Variants in ATP6V0D2 observed in about 807,000 individuals in gnomAD.
ATP6V0D2 encodes ATPase H+ transporting V0 subunit d2.
ATP6V0D2 carries 40 observed loss-of-function variants against 40.0 expected under a neutral mutation model. The ratio of observed to expected loss-of-function variants is 1.00; its 90% confidence interval spans 0.78 to 1.30. The LOEUF is 1.30. Among genes scored for constraint, ATP6V0D2 ranks in the 50% most tolerant of loss-of-function variants. ATP6V0D2 has a pLI of 0.00. For synonymous variants in ATP6V0D2, 179 were observed against 156.3 expected (o/e 1.15, Z -1.08); for missense variants, 470 against 423.1 (o/e 1.11, Z -0.97).
intron 2 of ATP6V0D2, among the ~76,000 whole-genome samples, chr8:86,122,338 G>C (rs982264405): frequency 6.6e-6 from 1 of 152,104 alleles, no homozygotes; most frequent in African/African-American, 2.4e-5. Flanking sequence ...TGACGTTAAG[G>C]ACCACACACT....
chr8:86,111,975 G>T (rs776106139), intron 1 of ATP6V0D2, among the ~76,000 whole-genome samples: 49 of 152,114 alleles, frequency 3.2e-4, no homozygotes, highest in Non-Finnish European at 6.6e-4. Context: ...GAATATTTCT[G>T]GTCTATCTTT....
chr8:86,151,622 T>G, intron 7 of ATP6V0D2, 82 bp downstream of exon 7: 1 of 1,093,408 alleles, frequency 9.1e-7, no homozygotes, highest in South Asian at 1.5e-5. Context: ...GGTTTTCTTT[T>G]TACAGCTGAT....
chr8:86,104,431 A>C (rs946056498), intron 1 of ATP6V0D2, among the ~76,000 whole-genome samples: 3 of 152,188 alleles, frequency 2.0e-5, no homozygotes, highest in African/African-American at 7.2e-5. Context: ...CTAAAAGGAG[A>C]AATATGGAAA....
intron 1 of ATP6V0D2, among the ~76,000 whole-genome samples, chr8:86,103,781 A>G (rs181623154): frequency 6.6e-6 from 1 of 152,100 alleles, no homozygotes; most frequent in Non-Finnish European, 1.5e-5. Flanking sequence ...ACAAACTTAC[A>G]CACATGTGAG....
At chr8:86,103,261 G>A in intron 1 of ATP6V0D2, among the ~76,000 whole-genome samples, 1 of 151,320 alleles carries the variant, frequency 6.6e-6, no homozygotes, top group South Asian at 2.1e-4. Flanking sequence ...AGAATTACAG[G>A]CATGTGCCAC....
rs60590702 is a variant in ATP6V0D2, at chr8:86,126,236, CTATATATATATATATATA to C, written c.302+12366_302+12383del. Among the ~76,000 whole-genome samples, 3 of 77,120 alleles carry C rather than the reference CTATATATATATATATATA, an allele frequency of 3.9e-5. 1 individual carries two copies. Among genetic ancestry groups the C allele is most frequent in the South Asian group, 1.1e-3 (2 of 1,858 alleles). 50.6% of individuals were successfully genotyped at this position (77,120 alleles called of 152,430 possible). ...ATAGGCGTGAACTACCGTGCTCAGC[CTATATATATATATATATA>C]TATATATATCTTTTTGTATATAGTA... On this transcript the variant is annotated intron_variant, in intron 2 of 7. Transcript: ENST00000285393.
intron 2 of ATP6V0D2, among the ~76,000 whole-genome samples, chr8:86,135,733 C>A (rs1818887806): frequency 6.6e-6 from 1 of 152,102 alleles, no homozygotes; most frequent in South Asian, 2.1e-4. Context: ...TTTGTCTAGA[C>A]CATGAGTAGG....
At chr8:86,108,799 C>T (rs1818500718) in intron 1 of ATP6V0D2, among the ~76,000 whole-genome samples, 1 of 152,182 alleles carries the variant, frequency 6.6e-6, no homozygotes. Flanking sequence ...AGTCTAACTT[C>T]CCTATAGCCA....
rs1819153109 is a variant in ATP6V0D2 at position 86,151,540 on chromosome 8, G to A, written c.891G>A (p.Glu297=). ...KTLEDVFYER[E]VQMNVLAFNR... is the part of the protein sequence containing the mutation. ...TGGAGGACGTGTTTTACGAGCGTGA[G>A]GTATGATATAAGTGGAAATACTATT... Residue 297 remains glutamate (E), a splice_region_variant and synonymous_variant, in exon 7 of 8, where the codon GAG becomes GAA. Transcript: ENST00000285393. 1.2e-6 allele frequency: 2 copies of A among 1,602,078 alleles called. No individual in the cohort carries two copies. Among genetic ancestry groups the A allele is most frequent in the Non-Finnish European group, 1.7e-6 (2 of 1,173,978 alleles).
At chr8:86,107,798 T>C (rs1325277084) in intron 1 of ATP6V0D2, among the ~76,000 whole-genome samples, 1 of 151,832 alleles carries the variant, frequency 6.6e-6, no homozygotes, top group Admixed American at 6.6e-5. Context: ...AAAACGGGAG[T>C]GAGCAGCAGA....
At chr8:86,131,500 T>C (rs1818825227) in intron 2 of ATP6V0D2, among the ~76,000 whole-genome samples, 1 of 151,460 alleles carries the variant, frequency 6.6e-6, no homozygotes, top group Non-Finnish European at 1.5e-5. Flanking sequence ...CATCCAGCCA[T>C]TTTTATTTAT....
intron 5 of ATP6V0D2, among the ~76,000 whole-genome samples, chr8:86,147,505 C>T (rs1819087205): frequency 6.6e-6 from 1 of 152,152 alleles, no homozygotes; most frequent in Non-Finnish European, 1.5e-5. Context: ...AACACCAGCC[C>T]ATTCAGTCTC....
chr8:86,114,582 A>G (rs528647766), intron 2 of ATP6V0D2, among the ~76,000 whole-genome samples: 6 of 152,302 alleles, frequency 3.9e-5, no homozygotes, highest in South Asian at 4.1e-4. Context: ...AGGCAGAAGA[A>G]TCGCTTAAAG....
At chr8:86,130,213 C>CT (rs894916248) in intron 2 of ATP6V0D2, among the ~76,000 whole-genome samples, 6 of 152,040 alleles carry the variant, frequency 3.9e-5, no homozygotes, top group African/African-American at 1.4e-4. Context: ...TCTTTGTGCT[C>CT]TTTTTTACCA....
chr8:86,146,016 C>T (rs900263723), intron 5 of ATP6V0D2, among the ~76,000 whole-genome samples: 1 of 152,176 alleles, frequency 6.6e-6, no homozygotes, highest in Admixed American at 6.5e-5. Context: ...CGACGTCTCA[C>T]AGCTAGTAAG....
intron 1 of ATP6V0D2, 130 bp from the exon 2 acceptor site, chr8:86,113,579 C>T (rs1485648138): frequency 1.2e-5 from 9 of 741,444 alleles, no homozygotes; most frequent in South Asian, 2.3e-5. Flanking sequence ...ATATTTAGAC[C>T]TTATATTAAA....
intron 3 of ATP6V0D2, 29 bp from the exon 4 acceptor site, chr8:86,141,421 T>A: frequency 6.3e-7 from 1 of 1,576,210 alleles, no homozygotes; most frequent in Non-Finnish European, 8.7e-7. Context: ...TTAAGATTCA[T>A]TTTTTGGTAT....
At chr8:86,113,117 T>C (rs961515978) in intron 1 of ATP6V0D2, among the ~76,000 whole-genome samples, 5 of 151,910 alleles carry the variant, frequency 3.3e-5, no homozygotes, top group Admixed American at 3.3e-4. Context: ...CATCTGTGGA[T>C]TAGGTGTTTG....
intron 5 of ATP6V0D2, among the ~76,000 whole-genome samples, chr8:86,145,211 GAA>G (rs1563566075): frequency 2.7e-4 from 15 of 56,158 alleles, no homozygotes; most frequent in African/African-American, 8.1e-4. Flanking sequence ...AAGAAAGAAA[GAA>G]AGAAAGAAAG....
Sources: allele counts gnomAD v4.1 joint callset (sites outside exome capture counted in the v4.1 genomes callset), GRCh38; gene constraint gnomAD v4.1.1; transcripts MANE v1.5; gene names NCBI Gene and HGNC (gene_info 2026-07-23, HGNC 2026-07-21).